The following NTN4 variants were observed in gnomAD, a reference collection of about 807,000 sequenced individuals.
The protein encoded by NTN4 is netrin 4.
In NTN4, 32 loss-of-function variants were observed where a neutral mutation model predicts 73.6. The ratio of observed to expected loss-of-function variants is 0.44; its 90% CI spans 0.33 to 0.58. NTN4 has a LOEUF of 0.58. Among genes scored for constraint, NTN4 ranks in the 20% least tolerant of loss-of-function variants. The probability of loss-of-function intolerance (pLI) is 0.04; values close to 1 mark genes in which losing one functional copy is unlikely to be tolerated. For missense variants in NTN4, 654 were observed against 798.3 expected (o/e 0.82, Z 2.18); for synonymous variants, 258 against 287.5 (o/e 0.90, Z 1.04).
intron 7 of NTN4, among the ~76,000 whole-genome samples, chr12:95,679,438 C>T (rs1042221829): frequency 2.0e-5 from 3 of 152,138 alleles, no homozygotes; most frequent in African/African-American, 4.8e-5. Flanking sequence ...TCGCCATTAT[C>T]GATAACTGCT....
chr12:95,752,820 C>T (rs2121222356), intron 2 of NTN4, among the ~76,000 whole-genome samples: 1 of 152,332 alleles, frequency 6.6e-6, no homozygotes, highest in African/African-American at 2.4e-5. Context: ...GCAGCGGCTG[C>T]CGCTGCTTTA....
chr12:95,780,863 A>G, intron 2 of NTN4, among the ~76,000 whole-genome samples: 1 of 152,206 alleles, frequency 6.6e-6, no homozygotes, highest in Non-Finnish European at 1.5e-5. Flanking sequence ...TGTTTATTGC[A>G]GCACTATTCA....
chr12:95,711,020 A>C (rs1167199414), intron 4 of NTN4, among the ~76,000 whole-genome samples: 1 of 152,198 alleles, frequency 6.6e-6, no homozygotes, highest in African/African-American at 2.4e-5. Context: ...AAATAGGATA[A>C]ACTGATTGTT....
rs897814421 is a variant in NTN4 at position 95,709,819 on chromosome 12, C to T, written c.1180+622G>A. On this transcript the variant is annotated intron_variant, in intron 5 of 9. Coordinates refer to ENST00000343702, the MANE Select transcript of NTN4 (RefSeq NM_021229.4). ...AAGTGCTGGGATTACAGACATAAGG[C>T]ACCATGCCTGGCCTCCAAATAAACC... Among the ~76,000 whole-genome samples, 6 of 152,168 alleles carry T rather than the reference C, an allele frequency of 3.9e-5. No individual in the cohort carries two copies. In the East Asian group the frequency reaches 9.6e-4, roughly 24 times the overall value.
chr12:95,683,762 T>C lies in NTN4; in HGVS notation c.1181-51A>G, dbSNP rs769997633. The C allele has an allele frequency of 7.6e-6, 11 of 1,455,192 alleles. No individual in the cohort carries two copies. The East Asian group carries it at 2.7e-4, about 36-fold the overall frequency. The allele number at this position is 1,455,192 out of a possible 1,614,324, so 90.1% of individuals were successfully genotyped here. A position where few individuals can be genotyped will look rare whatever the true frequency, so the allele number is the denominator to read the frequency against. On this transcript the variant is annotated intron_variant, in intron 5 of 9. Coordinates refer to ENST00000343702, the MANE Select transcript of NTN4 (RefSeq NM_021229.4). ...TCAAAGACTGACTGTAGATCACCCG[T>C]GTGAACATTAGGCTTGACCATCCCC... is the stretch of plus-strand genomic sequence containing the variant.
chr12:95,665,623 C>T, intron 9 of NTN4, 187 bp downstream of exon 9: 1 of 482,930 alleles, frequency 2.1e-6, no homozygotes, highest in African/African-American at 2.0e-5. Flanking sequence ...TTATAGAGCA[C>T]ATGGAAGAGA....
intron 5 of NTN4, among the ~76,000 whole-genome samples, chr12:95,698,166 A>G (rs554993434): frequency 6.6e-6 from 1 of 152,324 alleles, no homozygotes; most frequent in East Asian, 1.9e-4. Context: ...CCTCGAGGAT[A>G]CTGTGGATGG....
intron 2 of NTN4, among the ~76,000 whole-genome samples, chr12:95,759,283 A>T (rs1347509037): frequency 6.6e-6 from 1 of 151,944 alleles, no homozygotes; most frequent in Admixed American, 6.6e-5. Context: ...TCCTACAAAG[A>T]TGTTTTTTGT....
intron 9 of NTN4, among the ~76,000 whole-genome samples, chr12:95,661,285 T>A (rs913232660): frequency 4.6e-5 from 7 of 152,214 alleles, no homozygotes; most frequent in Non-Finnish European, 2.9e-5. Context: ...ATAACCTAGT[T>A]GCCCAGCTTG....
At chr12:95,762,575 G>A (rs1437079648) in intron 2 of NTN4, among the ~76,000 whole-genome samples, 1 of 152,200 alleles carries the variant, frequency 6.6e-6, no homozygotes, top group Admixed American at 6.5e-5. Flanking sequence ...CCAGCAATTG[G>A]CTTTAAAAGT....
intron 7 of NTN4, chr12:95,672,310 C>A: frequency 2.6e-6 from 2 of 778,498 alleles, no homozygotes; most frequent in Non-Finnish European, 4.8e-6. Flanking sequence ...CCGCCATGGC[C>A]GCCTACAAAC....
chr12:95,684,305 G>GT (rs2078342697), intron 5 of NTN4, among the ~76,000 whole-genome samples: 3 of 151,756 alleles, frequency 2.0e-5, no homozygotes, highest in African/African-American at 7.3e-5. Flanking sequence ...GAGGAGCTTT[G>GT]CTTTTTTTTT....
At chr12:95,726,777 G>A (rs2078697699) in intron 3 of NTN4, among the ~76,000 whole-genome samples, 1 of 152,014 alleles carries the variant, frequency 6.6e-6, no homozygotes, top group African/African-American at 2.4e-5. Context: ...CAGGAGTTCA[G>A]CCTTCAACAT....
intron 5 of NTN4, among the ~76,000 whole-genome samples, chr12:95,695,179 T>C (rs2078432022): frequency 6.6e-6 from 1 of 152,080 alleles, no homozygotes; most frequent in Admixed American, 6.6e-5. Context: ...ATCTGAATTA[T>C]GATTTGCCTT....
chr12:95,703,965 C>T (rs986447265), intron 5 of NTN4, among the ~76,000 whole-genome samples: 2 of 152,224 alleles, frequency 1.3e-5, no homozygotes, highest in African/African-American at 4.8e-5. Flanking sequence ...AATTTCTCTG[C>T]TGCCCAGGCT....
At chr12:95,771,548 C>G (rs2079059384) in intron 2 of NTN4, among the ~76,000 whole-genome samples, 2 of 152,066 alleles carry the variant, frequency 1.3e-5, no homozygotes, top group African/African-American at 4.8e-5. Context: ...TTTTGTAAAT[C>G]AAATTTCATA....
chr12:95,739,348 A>G (rs1224744640), intron 2 of NTN4, among the ~76,000 whole-genome samples: 1 of 152,176 alleles, frequency 6.6e-6, no homozygotes, highest in African/African-American at 2.4e-5. Flanking sequence ...TGAACTTTTA[A>G]AGCTTAAACA....
At chr12:95,712,630 T>C (rs2121090123) in intron 4 of NTN4, among the ~76,000 whole-genome samples, 1 of 152,116 alleles carries the variant, frequency 6.6e-6, no homozygotes, top group East Asian at 1.9e-4. Flanking sequence ...GAGACAGAGT[T>C]TCCCTCTGTC....
intron 5 of NTN4, among the ~76,000 whole-genome samples, chr12:95,688,858 C>T (rs191242958): frequency 1.3e-4 from 19 of 151,614 alleles, no homozygotes; most frequent in South Asian, 2.1e-4. Context: ...AAGTCACATA[C>T]GATGGACAAT....
Sources: gnomAD v4.1 joint callset for allele counts (sites outside exome capture counted in the v4.1 genomes callset) on GRCh38, gnomAD v4.1.1 for gene constraint, MANE v1.5 for transcripts, NCBI Gene and HGNC (gene_info 2026-07-23, HGNC 2026-07-21) for gene names.